Variants in SDK2 observed in about 807,000 individuals in gnomAD.
The protein encoded by SDK2 is sidekick cell adhesion molecule 2, also known as protein sidekick-2.
Under a neutral mutation model 253.9 loss-of-function variants are expected in SDK2, and 105 were observed. The ratio of observed to expected loss-of-function variants is 0.41; its 90% CI spans 0.35 to 0.49. The LOEUF (loss-of-function observed/expected upper bound fraction) is 0.49, where lower values mean the gene tolerates loss of function less well. SDK2 is among the 20% of genes least tolerant of loss of function. The pLI is 0.06. For missense variants in SDK2, 2,608 were observed against 3,003.0 expected (o/e 0.87, Z 3.07); for synonymous variants, 1,249 against 1,234.9 (o/e 1.01, Z -0.24).
chr17:73,635,284 G>A (rs749739728), intron 1 of SDK2, among the ~76,000 whole-genome samples: 3 of 152,108 alleles, frequency 2.0e-5, no homozygotes, highest in Non-Finnish European at 4.4e-5. Context: ...CACTGCGCCC[G>A]GCCCATTTCA....
rs1330835051 is a variant in SDK2 at position 73,352,114 on chromosome 17, G to A, written c.5758+359C>T. Among the ~76,000 whole-genome samples the A allele has an allele frequency of 6.6e-6, 1 of 152,120 alleles. No homozygotes were observed. Among genetic ancestry groups the A allele is most frequent in the South Asian group, 2.1e-4 (1 of 4,828 alleles). ...CTCTGCAGGCTGCTGACCCTGCCAC[G>A]TTGGGGCTGGAGGTTTCCATGGAAA... On this transcript the variant is annotated intron_variant, in intron 41 of 44. Transcript: ENST00000392650. This position sits in a 1 kb window ranked among gnomAD's most constrained non-coding sequence, Gnocchi z 4.1.
At chr17:73,427,782 T>C (rs2063295190) in intron 12 of SDK2, among the ~76,000 whole-genome samples, 1 of 152,132 alleles carries the variant, frequency 6.6e-6, no homozygotes, top group Non-Finnish European at 1.5e-5. Flanking sequence ...CTAGATGACC[T>C]TGGGTTTGGC....
chr17:73,447,782 C>T lies in SDK2; in HGVS notation c.480-34G>A, dbSNP rs1411450830. On this transcript the variant is annotated intron_variant, in intron 4 of 44. Transcript: ENST00000392650. The surrounding 1 kb of genome is among the most constrained non-coding windows in gnomAD (Gnocchi z 4.0). ...AGGAAAAGGATTCCTCTGACAGGGG[C>T]CTAAGGGGCTCTGAACCTCCAGGGA... 1.9e-6 allele frequency: 3 copies of T among 1,551,236 alleles called. No individual in the cohort carries two copies. Among genetic ancestry groups the T allele is most frequent in the East Asian group, 2.4e-5 (1 of 40,894 alleles).
chr17:73,439,363 C>T (rs2063396491), intron 6 of SDK2, among the ~76,000 whole-genome samples: 1 of 152,124 alleles, frequency 6.6e-6, no homozygotes. Flanking sequence ...GCTAATACGC[C>T]ATGCCTGTGA....
intron 36 of SDK2, 147 bp from the exon 37 acceptor site, chr17:73,368,740 T>C (rs1010591602): frequency 1.5e-6 from 1 of 676,014 alleles, no homozygotes; most frequent in African/African-American, 1.8e-5. Context: ...CCGGGTGCGG[T>C]GGCTCACACC....
chr17:73,433,611 A>G, intron 10 of SDK2, 121 bp downstream of exon 10: 8 of 707,924 alleles, frequency 1.1e-5, no homozygotes, highest in Non-Finnish European at 2.0e-5. Flanking sequence ...CTTGGGTTGT[A>G]CAGTGTATGA....
chr17:73,539,775 C>T (rs1368696349), intron 1 of SDK2, among the ~76,000 whole-genome samples: 1 of 151,852 alleles, frequency 6.6e-6, no homozygotes, highest in East Asian at 1.9e-4. Flanking sequence ...TACAATTTAA[C>T]TGATGTCCTG....
Position 73,338,836 on chromosome 17 carries a change from C to T in SDK2, c.6270G>A (p.Gln2090=). 1 of 1,614,014 alleles carries T rather than the reference C, an allele frequency of 6.2e-7. No homozygotes were observed. The highest frequency in any genetic ancestry group is 8.5e-7 in the Non-Finnish European group (1 of 1,179,896). ...DPTYYNSWRR[Q]QKGISRAQAY... is the part of the protein sequence containing the mutation. ...CCTGTGCCCTCGAGATGCCCTTCTG[C>T]TGTCGCCGCCACGAGTTGTAGTATG... The change falls in exon 45 of 45, where the codon CAG becomes CAA. Residue 2090 remains glutamine, a synonymous_variant. Coordinates refer to ENST00000392650, the MANE Select transcript of SDK2 (RefSeq NM_001144952.2). The surrounding 1 kb of genome is among the most constrained non-coding windows in gnomAD (Gnocchi z 5.0).
intron 1 of SDK2, among the ~76,000 whole-genome samples, chr17:73,566,872 T>TA (rs58337324): frequency 0.015 from 1,981 of 128,322 alleles, 40 homozygotes; most frequent in African/African-American, 0.046. Flanking sequence ...CACTTATAAT[T>TA]AAAAAAAAAA....
At chr17:73,380,806 C>T in intron 34 of SDK2, 88 bp downstream of exon 34, 1 of 1,214,860 alleles carries the variant, frequency 8.2e-7, no homozygotes, top group Non-Finnish European at 1.2e-6. Context: ...ACCCCCTCAA[C>T]CTGTGATCAG....
intron 1 of SDK2, among the ~76,000 whole-genome samples, chr17:73,564,897 G>T (rs1191838498): frequency 1.3e-5 from 2 of 152,046 alleles, no homozygotes; most frequent in Non-Finnish European, 2.9e-5. Context: ...TCTGGTAAGG[G>T]TGGAGTGGCT....
intron 44 of SDK2, among the ~76,000 whole-genome samples, chr17:73,348,360 T>A (rs188207115): frequency 6.6e-6 from 1 of 152,224 alleles, no homozygotes; most frequent in South Asian, 2.1e-4. Flanking sequence ...GAGGGCCGTC[T>A]TCTTCGGGGT....
chr17:73,388,836 C>CCTT (rs1599512409), intron 29 of SDK2, among the ~76,000 whole-genome samples: 2 of 110,052 alleles, frequency 1.8e-5, no homozygotes, highest in African/African-American at 6.6e-5. Context: ...TTCCTTCCTT[C>CCTT]CCCCCTCCTT....
At chr17:73,551,471 G>A (rs539355065) in intron 1 of SDK2, among the ~76,000 whole-genome samples, 1 of 152,328 alleles carries the variant, frequency 6.6e-6, no homozygotes, top group East Asian at 1.9e-4. Context: ...GGGGCGGAGC[G>A]GCCGAGGCCT....
At chr17:73,540,793 C>T (rs997010987) in intron 1 of SDK2, among the ~76,000 whole-genome samples, 7 of 152,308 alleles carry the variant, frequency 4.6e-5, no homozygotes, top group African/African-American at 1.7e-4. Flanking sequence ...GACCTGTCTT[C>T]TGCCTCTCCC....
intron 44 of SDK2, among the ~76,000 whole-genome samples, chr17:73,342,035 C>T (rs888401947): frequency 6.6e-6 from 1 of 152,084 alleles, no homozygotes. Flanking sequence ...TTAACTCCTA[C>T]ACTCCTGCAC....
At chr17:73,380,525 A>T (rs2062821426) in intron 34 of SDK2, among the ~76,000 whole-genome samples, 1 of 152,092 alleles carries the variant, frequency 6.6e-6, no homozygotes, top group Non-Finnish European at 1.5e-5. Flanking sequence ...CTGGGCCGAG[A>T]AGTGCCTTCG....
At chr17:73,360,794 G>A (rs2062633272) in intron 39 of SDK2, among the ~76,000 whole-genome samples, 1 of 151,100 alleles carries the variant, frequency 6.6e-6, no homozygotes, top group African/African-American at 2.4e-5. Context: ...AAATTAGCTG[G>A]TCGTGGTAGA....
At chr17:73,354,720 G>C (rs1372560536) in intron 40 of SDK2, among the ~76,000 whole-genome samples, 1 of 151,348 alleles carries the variant, frequency 6.6e-6, no homozygotes, top group African/African-American at 2.4e-5. Flanking sequence ...GGGACTAAAA[G>C]GCCTTAACTT....
Sources: allele counts gnomAD v4.1 joint callset (sites outside exome capture counted in the v4.1 genomes callset), GRCh38; gene constraint gnomAD v4.1.1; non-coding constraint Gnocchi (gnomAD v3.1); transcripts MANE v1.5; gene names NCBI Gene and HGNC (gene_info 2026-07-23, HGNC 2026-07-21).